The following CTNNA2 variants were observed in gnomAD, a reference collection of about 807,000 sequenced individuals.
CTNNA2 encodes catenin alpha 2.
Under a neutral mutation model 101.0 loss-of-function variants are expected in CTNNA2, and 42 were observed. The observed-to-expected ratio is 0.42, with a 90% CI of 0.32 to 0.54. The LOEUF is 0.54. Among genes scored for constraint, CTNNA2 ranks in the 20% least tolerant of loss-of-function variants. CTNNA2 has a pLI of 0.14. For missense variants in CTNNA2, 871 were observed against 1,223.1 expected (o/e 0.71, Z 4.29); for synonymous variants, 450 against 456.4 (o/e 0.99, Z 0.18).
chr2:79,629,577 G>T (rs1018355123), intron 1 of CTNNA2, among the ~76,000 whole-genome samples: 1 of 152,122 alleles, frequency 6.6e-6, no homozygotes, highest in African/African-American at 2.4e-5. Context: ...GCAAAGGAAA[G>T]GTCAGACAGG....
At chr2:80,144,186 A>G (rs1867805) in intron 7 of CTNNA2, among the ~76,000 whole-genome samples, 78,796 of 151,892 alleles carry the variant, frequency 0.52, 21,049 homozygotes, top group Non-Finnish European at 0.58. Context: ...CAGTAGTGAT[A>G]TTAGTGCAGC....
At chr2:80,585,612 T>C (rs1695911119) in intron 14 of CTNNA2, among the ~76,000 whole-genome samples, 1 of 152,308 alleles carries the variant, frequency 6.6e-6, no homozygotes, top group African/African-American at 2.4e-5. Context: ...GTATTTTATA[T>C]TGAGTTTGAT....
chr2:79,783,758 C>T (rs1674629919), intron 3 of CTNNA2, among the ~76,000 whole-genome samples: 2 of 152,138 alleles, frequency 1.3e-5, no homozygotes, highest in South Asian at 4.1e-4. Context: ...ACATGCTTAT[C>T]TCAGTACAGT....
At chr2:80,379,100 G>C (rs1314797999) in intron 7 of CTNNA2, among the ~76,000 whole-genome samples, 1 of 152,106 alleles carries the variant, frequency 6.6e-6, no homozygotes, top group African/African-American at 2.4e-5. Flanking sequence ...AGAGGAACTT[G>C]GGAGTGAATT....
intron 3 of CTNNA2, among the ~76,000 whole-genome samples, chr2:79,845,535 T>C (rs527519328): frequency 7.9e-5 from 12 of 152,322 alleles, no homozygotes; most frequent in Admixed American, 1.3e-4. Flanking sequence ...TAAGGCTGCA[T>C]GTCAGGCTGT....
intron 7 of CTNNA2, among the ~76,000 whole-genome samples, chr2:80,036,846 T>TGA (rs750914944): frequency 1.3e-3 from 138 of 109,238 alleles, no homozygotes; most frequent in African/African-American, 4.7e-3. Context: ...TGTGTGTGTG[T>TGA]GTGAGAGAGA....
chr2:80,173,613 C>A (rs79030880), intron 7 of CTNNA2, among the ~76,000 whole-genome samples: 4 of 152,138 alleles, frequency 2.6e-5, no homozygotes, highest in Non-Finnish European at 5.9e-5. Flanking sequence ...ATAGTTTCCT[C>A]GCACTGGATG....
intron 2 of CTNNA2, among the ~76,000 whole-genome samples, chr2:79,698,528 A>C (rs548060962): frequency 6.6e-6 from 1 of 152,182 alleles, no homozygotes; most frequent in East Asian, 1.9e-4. Context: ...CGTGCAATAT[A>C]ATTGTTTAGT....
chr2:79,782,137 C>T (rs1056095398), intron 3 of CTNNA2, among the ~76,000 whole-genome samples: 2 of 152,050 alleles, frequency 1.3e-5, no homozygotes, highest in African/African-American at 4.8e-5. Context: ...GTTATATTTA[C>T]AATAATTATG....
chr2:79,630,702 C>T (rs540305125), intron 1 of CTNNA2, among the ~76,000 whole-genome samples: 1 of 152,258 alleles, frequency 6.6e-6, no homozygotes, highest in South Asian at 2.1e-4. Flanking sequence ...CTTGCTGTAA[C>T]GTGGTGTCAT....
intron 12 of CTNNA2, among the ~76,000 whole-genome samples, chr2:80,573,681 T>G (rs1262046010): frequency 6.6e-6 from 1 of 152,204 alleles, no homozygotes; most frequent in Admixed American, 6.5e-5. Context: ...ATTAGTTAAA[T>G]ATTTATTGAT....
Position 79,191,113 on chromosome 2 carries a change from C to A in CTNNA2, c.-524+5682C>A, listed in dbSNP as rs192659475. ...GAGTCTAGAAATATAAGCTTGACTGCTGGAGCCCAGGGTCCAGGGTGGGTG... is the reference window on the plus strand; with the variant it reads ...GAGTCTAGAAATATAAGCTTGACTGATGGAGCCCAGGGTCCAGGGTGGGTG... On this transcript the variant is annotated intron_variant, in intron 1 of 21. Transcript: ENST00000466387. 2.7e-4 allele frequency among the ~76,000 whole-genome samples: 41 copies of A among 152,298 alleles called. 1 individual carries two copies. In the East Asian group the frequency reaches 7.9e-3, roughly 29 times the overall value.
intron 7 of CTNNA2, among the ~76,000 whole-genome samples, chr2:79,991,139 A>G (rs1040310101): frequency 1.3e-5 from 2 of 151,904 alleles, no homozygotes; most frequent in Admixed American, 6.6e-5. Context: ...ATCATTTTTT[A>G]TTGTGTCTAT....
chr2:80,534,054 C>T (rs1350342966), intron 9 of CTNNA2, among the ~76,000 whole-genome samples: 1 of 152,120 alleles, frequency 6.6e-6, no homozygotes, highest in Admixed American at 6.6e-5. Flanking sequence ...TGAATGTGAG[C>T]TGGTGATTAC....
Position 79,311,322 on chromosome 2 carries a change from TG to T in CTNNA2, c.-405-1385del, listed in dbSNP as rs1676364525. Among the ~76,000 whole-genome samples, 3 of 141,996 alleles carry T rather than the reference TG, an allele frequency of 2.1e-5. No homozygotes were observed. The South Asian group carries it at 6.6e-4, about 31-fold the overall frequency. The allele number at this position is 141,996 out of a possible 152,430, so 93.2% of individuals were successfully genotyped here. ...TACTCGGGAGGCTGAGGCAGGAGAA[TG>T]GCGTGAACCCGGGAAGCGGAGCTTG... On this transcript the variant is annotated intron_variant, in intron 2 of 21. Transcript: ENST00000466387.
intron 7 of CTNNA2, among the ~76,000 whole-genome samples, chr2:80,243,149 AT>A: frequency 6.6e-6 from 1 of 152,130 alleles, no homozygotes; most frequent in South Asian, 2.1e-4. Context: ...TTAAATTTTT[AT>A]TTCAGTAGTG....
rs573320839 is a variant in CTNNA2, at chr2:79,621,027, A to G, written c.-5-30525A>G. Among the ~76,000 whole-genome samples the G allele has an allele frequency of 4.6e-5, 7 of 152,286 alleles. No individual in the cohort carries two copies. In the South Asian group the frequency reaches 1.5e-3, roughly 32 times the overall value. On this transcript the variant is annotated intron_variant, in intron 1 of 18. Coordinates refer to ENST00000402739, the MANE Select transcript of CTNNA2 (RefSeq NM_001282597.3). ...CCCATAACCTCCTTTTGTTAAACTG[A>G]TGAACACAGTACCCATCACAGTGGT...
intron 1 of CTNNA2, among the ~76,000 whole-genome samples, chr2:79,543,055 T>A (rs1454334613): frequency 6.6e-6 from 1 of 152,192 alleles, no homozygotes; most frequent in Non-Finnish European, 1.5e-5. Flanking sequence ...TTTTTCTTCT[T>A]GGGAAGTATT....
intron 7 of CTNNA2, among the ~76,000 whole-genome samples, chr2:79,983,537 A>G (rs1691544215): frequency 6.6e-6 from 1 of 152,114 alleles, no homozygotes; most frequent in African/African-American, 2.4e-5. Flanking sequence ...ACTCACTTGG[A>G]AATGTGTTGC....
Sources: gnomAD v4.1 joint callset for allele counts (sites outside exome capture counted in the v4.1 genomes callset) on GRCh38, gnomAD v4.1.1 for gene constraint, MANE v1.5 for transcripts, NCBI Gene and HGNC (gene_info 2026-07-23, HGNC 2026-07-21) for gene names.